Variants in FIG4 observed in about 807,000 individuals in gnomAD.
FIG4 encodes the protein FIG4 phosphoinositide 5-phosphatase, also known as polyphosphoinositide phosphatase.
In FIG4, 112 loss-of-function variants were observed where a neutral mutation model predicts 118.6. The observed-to-expected ratio is 0.94, with a 90% CI of 0.81 to 1.11. FIG4 has a LOEUF of 1.11. FIG4 is among the 50% of genes least tolerant of loss of function. The pLI, the probability that FIG4 is intolerant of heterozygous loss-of-function variation, is 0.00. For missense variants in FIG4, 969 were observed against 1,111.7 expected, an observed-to-expected ratio of 0.87 and a Z score of 1.83; for synonymous variants, 369 against 381.2, an observed-to-expected ratio of 0.97 and a Z score of 0.37.
intron 22 of FIG4, among the ~76,000 whole-genome samples, chr6:109,807,791 G>A (rs1014975591): frequency 3.9e-5 from 6 of 152,118 alleles, no homozygotes; most frequent in African/African-American, 1.2e-4. Context: ...TGTATAAGGT[G>A]TAAGGAAGGG....
At chr6:109,715,404 C>G (rs73535344) in intron 2 of FIG4, among the ~76,000 whole-genome samples, 1 of 151,958 alleles carries the variant, frequency 6.6e-6, no homozygotes, top group African/African-American at 2.4e-5. Context: ...GACTTGTTTT[C>G]GAAAACACAC....
intron 16 of FIG4, among the ~76,000 whole-genome samples, chr6:109,782,045 G>GA (rs1777821977): frequency 1.3e-5 from 2 of 152,028 alleles, no homozygotes; most frequent in African/African-American, 4.8e-5. Context: ...AGTTAGCTAG[G>GA]AAAATTAGAC....
At chr6:109,692,473 T>C (rs966746559) in intron 1 of FIG4, among the ~76,000 whole-genome samples, 16 of 152,150 alleles carry the variant, frequency 1.1e-4, no homozygotes, top group Admixed American at 1.0e-3. Context: ...CACAATAACC[T>C]CTCCCTCAGG....
At chr6:109,741,125 AG>A (rs1776310795) in intron 7 of FIG4, among the ~76,000 whole-genome samples, 1 of 152,194 alleles carries the variant, frequency 6.6e-6, no homozygotes, top group African/African-American at 2.4e-5. Context: ...AAACCATATC[AG>A]AAGGATTAGT....
intron 22 of FIG4, among the ~76,000 whole-genome samples, chr6:109,809,726 T>C (rs542097424): frequency 6.6e-6 from 1 of 152,316 alleles, no homozygotes; most frequent in East Asian, 1.9e-4. Flanking sequence ...GAAGCAAATG[T>C]TCTCTTTTTA....
intron 15 of FIG4, among the ~76,000 whole-genome samples, chr6:109,770,775 C>T (rs1216663572): frequency 6.6e-6 from 1 of 152,180 alleles, no homozygotes; most frequent in Non-Finnish European, 1.5e-5. Flanking sequence ...AACCCAAACA[C>T]CTTCCGCCAG....
chr6:109,784,494 A>G (rs1178846642), intron 16 of FIG4, among the ~76,000 whole-genome samples: 1 of 152,214 alleles, frequency 6.6e-6, no homozygotes, highest in African/African-American at 2.4e-5. Flanking sequence ...TGTTTTAACT[A>G]TACACACAGG....
intron 8 of FIG4, 143 bp downstream of exon 8, chr6:109,741,687 C>G (rs1583669737): frequency 2.8e-6 from 2 of 703,180 alleles, no homozygotes; most frequent in South Asian, 3.0e-5. Context: ...TTAGTATCAA[C>G]AAGGGATTGG....
At chr6:109,745,630 AC>A (rs1377348821) in intron 10 of FIG4, among the ~76,000 whole-genome samples, 1 of 148,498 alleles carries the variant, frequency 6.7e-6, no homozygotes, top group Non-Finnish European at 1.5e-5. Flanking sequence ...CTGTGCAGAA[AC>A]TCTTTAGTTT....
chr6:109,712,312 T>TG (rs1470885191), intron 1 of FIG4, among the ~76,000 whole-genome samples: 1 of 152,220 alleles, frequency 6.6e-6, no homozygotes, highest in African/African-American at 2.4e-5. Flanking sequence ...TTAGATGGGT[T>TG]GGGGAATTTC....
At chr6:109,783,243 G>A (rs9487216) in intron 16 of FIG4, among the ~76,000 whole-genome samples, 9,588 of 152,232 alleles carry the variant, frequency 0.063, 990 homozygotes, top group African/African-American at 0.22. Flanking sequence ...AAACCTGCAC[G>A]TTCCGCACAT....
intron 1 of FIG4, among the ~76,000 whole-genome samples, chr6:109,708,992 T>G (rs1466176761): frequency 6.6e-6 from 1 of 152,244 alleles, no homozygotes; most frequent in African/African-American, 2.4e-5. Flanking sequence ...CATTTTTTGC[T>G]TCTGTTGCAA....
At chr6:109,820,964 C>T (rs536638049) in intron 22 of FIG4, among the ~76,000 whole-genome samples, 1 of 152,188 alleles carries the variant, frequency 6.6e-6, no homozygotes, top group Non-Finnish European at 1.5e-5. Context: ...AGGAGAACCC[C>T]AAAATAGCTC....
At chr6:109,815,088 A>G (rs1281906802) in intron 22 of FIG4, among the ~76,000 whole-genome samples, 1 of 152,172 alleles carries the variant, frequency 6.6e-6, no homozygotes, top group African/African-American at 2.4e-5. Flanking sequence ...TGATTCTTCT[A>G]ACTGTAGGGT....
chr6:109,760,152 AT>A, intron 10 of FIG4, 97 bp from the exon 11 acceptor site: 6 of 1,004,840 alleles, frequency 6.0e-6, no homozygotes, highest in East Asian at 2.5e-5. Flanking sequence ...TAAGACTTGG[AT>A]TTTTTTGTCT....
At chr6:109,811,693 G>A (rs1455059155) in intron 22 of FIG4, among the ~76,000 whole-genome samples, 1 of 152,120 alleles carries the variant, frequency 6.6e-6, no homozygotes, top group Non-Finnish European at 1.5e-5. Flanking sequence ...TTTCATATTA[G>A]GGTAAATACC....
At chr6:109,810,686 A>G (rs1048570481) in intron 22 of FIG4, among the ~76,000 whole-genome samples, 17 of 152,216 alleles carry the variant, frequency 1.1e-4, no homozygotes, top group Non-Finnish European at 2.2e-4. Context: ...TCATGCAATA[A>G]ATTGTTTAGT....
chr6:109,776,561 C>T (rs1429048886), intron 15 of FIG4, among the ~76,000 whole-genome samples: 1 of 152,074 alleles, frequency 6.6e-6, no homozygotes, highest in Non-Finnish European at 1.5e-5. Flanking sequence ...ACATTTACTT[C>T]AGGTAAAATA....
At chr6:109,777,501 A>C (rs536612705) in intron 16 of FIG4, among the ~76,000 whole-genome samples, 1 of 152,366 alleles carries the variant, frequency 6.6e-6, no homozygotes, top group African/African-American at 2.4e-5. Context: ...TGTTTCCTAC[A>C]AACTTGAAAC....
Sources: gnomAD v4.1 joint callset for allele counts (sites outside exome capture counted in the v4.1 genomes callset) on GRCh38, gnomAD v4.1.1 for gene constraint, MANE v1.5 for transcripts, NCBI Gene and HGNC (gene_info 2026-07-23, HGNC 2026-07-21) for gene names.